The following CDH13 variants were observed in gnomAD, a reference collection of about 807,000 sequenced individuals.
CDH13 encodes cadherin 13, also known as cadherin-13.
CDH13 carries 24 observed loss-of-function variants against 63.8 expected under a neutral mutation model. The observed-to-expected ratio is 0.38, with a 90% CI of 0.27 to 0.53. The LOEUF is 0.53. Ranked by LOEUF, CDH13 falls within the 20% of genes least tolerant of loss-of-function variation. The pLI is 0.85. For missense variants in CDH13, 1,049 were observed against 903.1 expected (o/e 1.16, Z -2.07); for synonymous variants, 503 against 355.3 (o/e 1.42, Z -4.67).
intron 4 of CDH13, among the ~76,000 whole-genome samples, chr16:83,143,470 A>C (rs1464046481): frequency 6.6e-6 from 1 of 152,216 alleles, no homozygotes; most frequent in Non-Finnish European, 1.5e-5. Context: ...CATGGAAAAA[A>C]TAGTTTCTTG....
chr16:82,649,122 G>T (rs188420067), intron 1 of CDH13, among the ~76,000 whole-genome samples: 1 of 152,152 alleles, frequency 6.6e-6, no homozygotes, highest in Non-Finnish European at 1.5e-5. Context: ...CTTTACATTT[G>T]TTGCTTGTTT....
At chr16:83,355,166 C>G (rs541254168) in intron 6 of CDH13, among the ~76,000 whole-genome samples, 7 of 152,090 alleles carry the variant, frequency 4.6e-5, no homozygotes, top group Non-Finnish European at 7.3e-5. Context: ...CAAGGCATTT[C>G]AATGTTCTAG....
chr16:83,669,616 C>T lies in CDH13; in HGVS notation c.1102-1174C>T, dbSNP rs145888234. Among the ~76,000 whole-genome samples, 522 of 152,232 alleles carry T rather than the reference C, an allele frequency of 3.4e-3. 7 individuals carry two copies. The highest frequency in any genetic ancestry group is 0.012 in the African/African-American group (497 of 41,540). On this transcript the variant is annotated intron_variant, in intron 8 of 13. Transcript: ENST00000567109. Reference sequence around the variant, plus strand: ...GACAACTCGCCCAGGTTTGCCGAGGCGCAATAAACAAATTAGTTGCAGTCC... The same window carrying T: ...GACAACTCGCCCAGGTTTGCCGAGGTGCAATAAACAAATTAGTTGCAGTCC...
At chr16:83,089,944 T>A (rs2033812584) in intron 3 of CDH13, among the ~76,000 whole-genome samples, 1 of 152,146 alleles carries the variant, frequency 6.6e-6, no homozygotes, top group Non-Finnish European at 1.5e-5. Context: ...GGACCATACT[T>A]TGCATAGCAA....
intron 8 of CDH13, among the ~76,000 whole-genome samples, chr16:83,644,256 C>A (rs548822605): frequency 6.6e-6 from 1 of 152,288 alleles, no homozygotes; most frequent in South Asian, 2.1e-4. Context: ...TCCAATATAA[C>A]GGATTTCCCT....
At chr16:82,747,439 C>T (rs948244208) in intron 1 of CDH13, among the ~76,000 whole-genome samples, 72 of 144,244 alleles carry the variant, frequency 5.0e-4, no homozygotes, top group African/African-American at 1.5e-3. Context: ...TGGATTATTT[C>T]ACGTATTGGC....
chr16:82,731,582 G>A (rs549580899), intron 1 of CDH13, among the ~76,000 whole-genome samples: 18 of 152,292 alleles, frequency 1.2e-4, no homozygotes, highest in African/African-American at 3.6e-4. Context: ...TAGGTCATTG[G>A]TTTATTTTCA....
In CDH13 at chr16:83,014,818, ATATATATATTTG is replaced by A. The variant is rs1252017916; in HGVS notation, c.158-17170_158-17159del. 5.3e-4 allele frequency among the ~76,000 whole-genome samples: 39 copies of A among 74,230 alleles called. No homozygotes were observed. The South Asian group carries it at 8.3e-3, about 16-fold the overall frequency. The allele number at this position is 74,230 out of a possible 152,430, so 48.7% of individuals were successfully genotyped here. A position where few individuals can be genotyped will look rare whatever the true frequency, so the allele number is the denominator to read the frequency against. ...TATATATATATGTATATATATTTGTATATATATATTTGTATATATATTTGTATATATATATTT... is the reference window on the plus strand; with the variant it reads ...TATATATATATGTATATATATTTGTATATATATATTTGTATATATATATTT... On this transcript the variant is annotated intron_variant, in intron 2 of 13. Transcript: ENST00000567109.
Position 83,711,526 on chromosome 16 carries a change from T to C in CDH13, c.1538+33065T>C, listed in dbSNP as rs374998270. Among the ~76,000 whole-genome samples the C allele has an allele frequency of 1.1e-3, 166 of 152,274 alleles. 4 individuals carry two copies. The South Asian group carries it at 0.033, about 31-fold the overall frequency. Reference sequence around the variant, plus strand: ...TTTTTTGGTTTTTTTGTTTTTTGTTTTTTGTTTTGAGAAAGGTCTTACTCT... The same window carrying C: ...TTTTTTGGTTTTTTTGTTTTTTGTTCTTTGTTTTGAGAAAGGTCTTACTCT... On this transcript the variant is annotated intron_variant, in intron 10 of 13. Transcript: ENST00000567109.
intron 2 of CDH13, among the ~76,000 whole-genome samples, chr16:82,974,351 T>C (rs962766287): frequency 1.3e-5 from 2 of 152,192 alleles, no homozygotes; most frequent in Non-Finnish European, 2.9e-5. Context: ...ATTGTCTCCA[T>C]GTAGAATGCC....
intron 6 of CDH13, among the ~76,000 whole-genome samples, chr16:83,428,902 C>T (rs962440301): frequency 6.6e-6 from 1 of 152,220 alleles, no homozygotes; most frequent in African/African-American, 2.4e-5. Context: ...AACTGTTGCA[C>T]TGGGCCAATC....
At chr16:83,422,292 A>G (rs532531253) in intron 6 of CDH13, among the ~76,000 whole-genome samples, 1 of 152,338 alleles carries the variant, frequency 6.6e-6, no homozygotes, top group East Asian at 1.9e-4. Context: ...CATCCAAAGA[A>G]TTACACAGTC....
At chr16:83,129,629 C>G (rs111738299) in intron 4 of CDH13, among the ~76,000 whole-genome samples, 12 of 152,296 alleles carry the variant, frequency 7.9e-5, no homozygotes, top group Non-Finnish European at 1.6e-4. Context: ...TATTTCTACT[C>G]CCAGCAGTCA....
At chr16:82,752,242 G>A (rs571903073) in intron 1 of CDH13, among the ~76,000 whole-genome samples, 3 of 152,250 alleles carry the variant, frequency 2.0e-5, no homozygotes, top group South Asian at 2.1e-4. Context: ...AATAATAATC[G>A]GAAATGTAAT....
chr16:83,739,547 G>A (rs547306575), intron 10 of CDH13, among the ~76,000 whole-genome samples: 6 of 151,882 alleles, frequency 4.0e-5, no homozygotes, highest in Non-Finnish European at 5.9e-5. Flanking sequence ...AGTGGTCTTC[G>A]GGACCCCCAG....
intron 7 of CDH13, among the ~76,000 whole-genome samples, chr16:83,530,215 T>G (rs1267320514): frequency 6.6e-6 from 1 of 152,228 alleles, no homozygotes; most frequent in Non-Finnish European, 1.5e-5. Flanking sequence ...ATGCTTTCAA[T>G]TAAAGCTTAA....
chr16:83,589,226 T>G (rs1292931645), intron 7 of CDH13, among the ~76,000 whole-genome samples: 1 of 150,664 alleles, frequency 6.6e-6, no homozygotes, highest in African/African-American at 2.4e-5. Context: ...CGTCTCCCTG[T>G]CTCCCCATCC....
intron 5 of CDH13, among the ~76,000 whole-genome samples, chr16:83,241,388 CT>C (rs909322035): frequency 6.6e-6 from 1 of 152,126 alleles, no homozygotes; most frequent in African/African-American, 2.4e-5. Flanking sequence ...TTGTCTTTAG[CT>C]TTTTGAGAAA....
chr16:82,678,252 G>C (rs1347061196), intron 1 of CDH13, among the ~76,000 whole-genome samples: 1 of 150,702 alleles, frequency 6.6e-6, no homozygotes, highest in African/African-American at 2.4e-5. Context: ...AAATAAACTA[G>C]AATAAATATA....
Sources: allele counts gnomAD v4.1 joint callset (sites outside exome capture counted in the v4.1 genomes callset), GRCh38; gene constraint gnomAD v4.1.1; transcripts MANE v1.5; gene names NCBI Gene and HGNC (gene_info 2026-07-23, HGNC 2026-07-21).